Variants in CELF2 observed in about 807,000 individuals in gnomAD.
CELF2 encodes CUG triplet repeat RNA-binding protein 2.
In CELF2, 8 loss-of-function variants were observed where a neutral mutation model predicts 62.6. The ratio of observed to expected loss-of-function variants is 0.13; its 90% confidence interval spans 0.07 to 0.23. The LOEUF is 0.23. Ranked by LOEUF, CELF2 falls within the 10% of genes least tolerant of loss-of-function variation. The pLI is 1.00. For missense variants in CELF2, 333 were observed against 671.0 expected (o/e 0.50, Z 5.56); for synonymous variants, 258 against 250.0 (o/e 1.03, Z -0.30).
chr10:10,678,057 G>A, the CELF2 span, among the ~76,000 whole-genome samples: 1 of 152,144 alleles, frequency 6.6e-6, no homozygotes, highest in African/African-American at 2.4e-5. Context: ...GTGCAAGCCT[G>A]TGACAAAACT....
At chr10:11,322,701 CT>C (rs35519678) in intron 11 of CELF2, among the ~76,000 whole-genome samples, 1 of 151,630 alleles carries the variant, frequency 6.6e-6, no homozygotes, top group East Asian at 1.9e-4. Flanking sequence ...ATGGATATCA[CT>C]TTTAAAATGA....
At chr10:10,619,587 T>C in the CELF2 span, among the ~76,000 whole-genome samples, 42 of 152,292 alleles carry the variant, frequency 2.8e-4, no homozygotes, top group African/African-American at 9.9e-4. Flanking sequence ...GGCTTCCATG[T>C]TCCCTATGGT....
At chr10:11,079,368 C>T (rs936195584) in intron 1 of CELF2, among the ~76,000 whole-genome samples, 4 of 152,150 alleles carry the variant, frequency 2.6e-5, no homozygotes, top group Admixed American at 6.5e-5. Context: ...CAAAAACGTG[C>T]GGAAAATGCA....
chr10:11,005,032 T>C (rs1342433749), upstream of CELF2: 35 of 985,090 alleles, frequency 3.6e-5, no homozygotes, highest in Non-Finnish European at 4.2e-5. The surrounding 1 kb of genome is among the most constrained non-coding windows in gnomAD (Gnocchi z 4.3). Context: ...TTTTTTTTGT[T>C]CCCCCAATTT....
chr10:11,270,674 T>C lies in CELF2; in HGVS notation c.627T>C (p.Ser209=), dbSNP rs2083503711. The part of the protein sequence containing the change: ...MHQSQTMEGC[S]SPIVVKFADT... ...AATGTGTCTGACCACAGGGCTGCTC[T>C]TCACCTATCGTGGTGAAGTTTGCTG... Residue 209 remains serine, a synonymous_variant, in exon 7 of 13, where the codon TCT becomes TCC. Coordinates refer to ENST00000633077, the MANE Select transcript of CELF2 (RefSeq NM_001326342.2). This position sits in a 1 kb window ranked among gnomAD's most constrained non-coding sequence, Gnocchi z 5.8. 2.0e-6 allele frequency: 3 copies of C among 1,496,074 alleles called. No homozygotes were observed. Among genetic ancestry groups the C allele is most frequent in the Admixed American group, 2.1e-5 (1 of 46,792 alleles). 92.7% of individuals were successfully genotyped at this position (1,496,074 alleles called of 1,614,324 possible). A position where few individuals can be genotyped will look rare whatever the true frequency, so the allele number is the denominator to read the frequency against.
chr10:10,537,089 T>C, the CELF2 span, among the ~76,000 whole-genome samples: 5 of 152,094 alleles, frequency 3.3e-5, no homozygotes, highest in Non-Finnish European at 7.4e-5. Flanking sequence ...ATGATGCACA[T>C]AGGAACAAGA....
intron 1 of CELF2, among the ~76,000 whole-genome samples, chr10:10,859,890 A>G (rs964723092): frequency 2.6e-5 from 4 of 152,094 alleles, no homozygotes; most frequent in Admixed American, 1.3e-4. Context: ...CAGTTCTCAA[A>G]TGTTTTGGTG....
chr10:10,850,599 G>A (rs12569443), intron 1 of CELF2, among the ~76,000 whole-genome samples: 9,711 of 152,224 alleles, frequency 0.064, 447 homozygotes, highest in East Asian at 0.21. Context: ...GTTTGAATAT[G>A]TTGGAGAGCC....
At chr10:10,837,190 T>C (rs1446104446) in intron 1 of CELF2, among the ~76,000 whole-genome samples, 2 of 152,170 alleles carry the variant, frequency 1.3e-5, no homozygotes, top group African/African-American at 4.8e-5. Flanking sequence ...CAGTGGGAGA[T>C]AATTGAATCA....
Position 11,220,413 on chromosome 10 carries a change from T to A in CELF2, c.354+2906T>A, listed in dbSNP as rs772176309. On this transcript the variant is annotated intron_variant, in intron 3 of 12. Transcript: ENST00000633077. The surrounding 1 kb of genome is among the most constrained non-coding windows in gnomAD (Gnocchi z 4.4). The stretch of plus-strand genomic sequence containing the variant: ...AAGCAGAAACAAGTTGATAGGATGG[T>A]CTGTTGTGCAATCAAATGTGTCTGC... Among the ~76,000 whole-genome samples, 1 of 152,200 alleles carries A rather than the reference T, an allele frequency of 6.6e-6. No individual in the cohort carries two copies. Among genetic ancestry groups the A allele is most frequent in the Non-Finnish European group, 1.5e-5 (1 of 68,030 alleles).
chr10:10,940,166 A>C (rs2046893665), intron 2 of CELF2, among the ~76,000 whole-genome samples: 1 of 152,226 alleles, frequency 6.6e-6, no homozygotes, highest in African/African-American at 2.4e-5. Context: ...ACATAGCTCT[A>C]TATGTCAGCT....
the CELF2 span, among the ~76,000 whole-genome samples, chr10:10,784,180 C>A: frequency 6.6e-6 from 1 of 152,156 alleles, no homozygotes; most frequent in Non-Finnish European, 1.5e-5. Context: ...CTCATTTATT[C>A]TGGTGCTGTG....
At chr10:10,736,388 CTTTCTTTCT>C in the CELF2 span, among the ~76,000 whole-genome samples, 61 of 79,954 alleles carry the variant, frequency 7.6e-4, no homozygotes, top group African/African-American at 2.8e-3. Context: ...TTCTTTCTTT[CTTTCTTTCT>C]TTTTTTTTTT....
chr10:10,988,205 C>T (rs544678975), intron 2 of CELF2, among the ~76,000 whole-genome samples: 1 of 150,722 alleles, frequency 6.6e-6, no homozygotes, highest in East Asian at 2.0e-4. Context: ...GCCCATCAAC[C>T]AATGAATGGA....
chr10:11,250,093 A>G (rs1460761016), intron 4 of CELF2, among the ~76,000 whole-genome samples: 2 of 152,234 alleles, frequency 1.3e-5, no homozygotes, highest in African/African-American at 4.8e-5. Context: ...TCTCTCCACA[A>G]GGTATTTTTT....
chr10:11,108,859 C>G (rs1038163960), intron 1 of CELF2, among the ~76,000 whole-genome samples: 2 of 152,208 alleles, frequency 1.3e-5, no homozygotes, highest in African/African-American at 4.8e-5. Flanking sequence ...ATTACCTGTT[C>G]ACATCGTATG....
the CELF2 span, among the ~76,000 whole-genome samples, chr10:10,466,518 T>C: frequency 6.6e-6 from 1 of 152,126 alleles, no homozygotes; most frequent in East Asian, 1.9e-4. Context: ...TGAATATTCA[T>C]GTGCAAGCCT....
chr10:10,916,949 A>T (rs1002101474), intron 1 of CELF2, among the ~76,000 whole-genome samples: 4 of 148,972 alleles, frequency 2.7e-5, no homozygotes, highest in African/African-American at 7.5e-5. Flanking sequence ...TTTTTTTTTT[A>T]AGGAAAAAGA....
chr10:11,172,050 A>G (rs1419521234), intron 2 of CELF2, among the ~76,000 whole-genome samples: 1 of 152,236 alleles, frequency 6.6e-6, no homozygotes, highest in Non-Finnish European at 1.5e-5. Context: ...AAGAATTCAA[A>G]CTGCAGGAAG....
Sources: gnomAD v4.1 joint callset for allele counts (sites outside exome capture counted in the v4.1 genomes callset) on GRCh38, gnomAD v4.1.1 for gene constraint, Gnocchi (gnomAD v3.1) non-coding constraint, MANE v1.5 for transcripts, NCBI Gene and HGNC (gene_info 2026-07-23, HGNC 2026-07-21) for gene names.